The following EYS variants were observed in gnomAD, a reference collection of about 807,000 sequenced individuals.
The protein encoded by EYS is EGF-like photoreceptor maintenance factor.
EYS carries 250 observed loss-of-function variants against 282.1 expected under a neutral mutation model. The ratio of observed to expected loss-of-function variants is 0.89; its 90% CI spans 0.80 to 0.98. The LOEUF (loss-of-function observed/expected upper bound fraction) is 0.98. EYS is among the 50% of genes least tolerant of loss of function. The pLI is 0.00. For synonymous variants in EYS, 1,355 were observed against 1,282.9 expected, an observed-to-expected ratio of 1.06 and a Z score of -1.20; for missense variants, 4,016 against 3,709.0, an observed-to-expected ratio of 1.08 and a Z score of -2.15.
chr6:64,480,560 C>CA (rs1776409381), intron 26 of EYS, among the ~76,000 whole-genome samples: 1 of 151,650 alleles, frequency 6.6e-6, no homozygotes, highest in Admixed American at 6.6e-5. Context: ...TAAGGGGTGA[C>CA]AAAACATAAA....
intron 31 of EYS, among the ~76,000 whole-genome samples, chr6:64,107,291 A>ATATATATATATATATT (rs1328096452): frequency 4.5e-5 from 5 of 110,674 alleles, no homozygotes; most frequent in African/African-American, 1.3e-4. Context: ...ATATTTATAT[A>ATATATATATATATATT]TATATATATA....
chr6:65,693,212 AT>A (rs1769309179), intron 1 of EYS, among the ~76,000 whole-genome samples: 5 of 145,722 alleles, frequency 3.4e-5, no homozygotes, highest in Admixed American at 2.1e-4. Context: ...CTTCTGTTTT[AT>A]TTTTTCCCTC....
chr6:64,578,158 G>C lies in EYS; in HGVS notation c.5644+12065C>G, dbSNP rs376594929. On this transcript the variant is annotated intron_variant, in intron 26 of 42. Transcript: ENST00000503581. ...TGATCTGTTCTCCATAGTATAGCCA[G>C]AGTGGTCACTCAAATAATTTCACTT... Among the ~76,000 whole-genome samples the C allele has an allele frequency of 2.6e-5, 4 of 152,016 alleles. No homozygotes were observed. In the East Asian group the frequency reaches 5.8e-4, roughly 22 times the overall value.
At chr6:64,123,696 G>A (rs1415313659) in intron 31 of EYS, among the ~76,000 whole-genome samples, 2 of 152,122 alleles carry the variant, frequency 1.3e-5, no homozygotes, top group African/African-American at 4.8e-5. Flanking sequence ...AAATATACTG[G>A]GAAACAGGGT....
chr6:64,199,742 C>G (rs1055000215), intron 31 of EYS, among the ~76,000 whole-genome samples: 2 of 151,076 alleles, frequency 1.3e-5, no homozygotes, highest in Non-Finnish European at 3.0e-5. Flanking sequence ...AAAAAAAAAT[C>G]AAAAAATGAG....
At chr6:64,395,186 A>T (rs1394873746) in intron 28 of EYS, among the ~76,000 whole-genome samples, 1 of 152,068 alleles carries the variant, frequency 6.6e-6, no homozygotes, top group East Asian at 1.9e-4. Flanking sequence ...TGTTGGTGGG[A>T]CTGTAAACTA....
At chr6:63,805,994 A>C (rs1039572081) in intron 37 of EYS, among the ~76,000 whole-genome samples, 196 bp downstream of exon 37, 1 of 152,210 alleles carries the variant, frequency 6.6e-6, no homozygotes, top group Non-Finnish European at 1.5e-5. Context: ...CCTGATGCAA[A>C]GTAGAGCTTC....
chr6:64,764,103 G>A (rs1773248833), intron 22 of EYS, among the ~76,000 whole-genome samples: 1 of 152,174 alleles, frequency 6.6e-6, no homozygotes, highest in African/African-American at 2.4e-5. Context: ...CTGGGGTGAG[G>A]AGGATGGTGG....
chr6:64,038,608 AAAAT>A (rs1013220354), intron 33 of EYS, among the ~76,000 whole-genome samples: 15 of 152,110 alleles, frequency 9.9e-5, no homozygotes, highest in Non-Finnish European at 2.2e-4. Context: ...AAAATTATAT[AAAAT>A]GTTTTATAAA....
At chr6:65,042,158 A>C (rs950533958) in intron 13 of EYS, among the ~76,000 whole-genome samples, 3 of 151,574 alleles carry the variant, frequency 2.0e-5, no homozygotes, top group Non-Finnish European at 3.0e-5. Context: ...TCTGGGATCT[A>C]TTTGTTCTAA....
chr6:64,680,835 GA>G (rs1366766930), intron 22 of EYS, among the ~76,000 whole-genome samples: 1 of 152,082 alleles, frequency 6.6e-6, no homozygotes, highest in African/African-American at 2.4e-5. Flanking sequence ...TTGCCCCGGG[GA>G]AAACACAGTC....
chr6:65,490,521 A>G (rs1253433971), intron 5 of EYS, 73 bp downstream of exon 5: 1 of 839,354 alleles, frequency 1.2e-6, no homozygotes, highest in East Asian at 2.7e-5. Flanking sequence ...GAAATATTTC[A>G]CATTTAATTT....
At chr6:65,513,168 G>A (rs1191805486) in intron 2 of EYS, among the ~76,000 whole-genome samples, 7 of 152,210 alleles carry the variant, frequency 4.6e-5, no homozygotes, top group East Asian at 1.9e-4. Context: ...ACACCTCTAC[G>A]CAAACAAACT....
chr6:64,292,287 G>C (rs1218300323), intron 30 of EYS, among the ~76,000 whole-genome samples: 1 of 152,118 alleles, frequency 6.6e-6, no homozygotes, highest in Non-Finnish European at 1.5e-5. Flanking sequence ...CTGTAACAAG[G>C]AGAAACACCT....
chr6:65,182,860 C>T (rs959928599), intron 12 of EYS, among the ~76,000 whole-genome samples: 1 of 151,956 alleles, frequency 6.6e-6, no homozygotes, highest in Admixed American at 6.6e-5. Context: ...ACAATCTTGA[C>T]TCACCGCATC....
chr6:65,571,012 G>C (rs75618326), intron 2 of EYS, among the ~76,000 whole-genome samples: 143 of 152,088 alleles, frequency 9.4e-4, no homozygotes, highest in African/African-American at 3.4e-3. Context: ...GTTCTGTAAG[G>C]TTGCCATAAA....
intron 19 of EYS, among the ~76,000 whole-genome samples, chr6:64,843,203 C>T (rs1386724574): frequency 6.6e-6 from 1 of 152,126 alleles, no homozygotes; most frequent in African/African-American, 2.4e-5. Context: ...CAGAGAGAAC[C>T]TCTGCTAGGG....
At chr6:65,238,256 TAATA>T (rs1260008087) in intron 12 of EYS, among the ~76,000 whole-genome samples, 2 of 149,756 alleles carry the variant, frequency 1.3e-5, no homozygotes, top group Non-Finnish European at 3.0e-5. Flanking sequence ...TTTAAAAATA[TAATA>T]TATATATAAT....
intron 35 of EYS, among the ~76,000 whole-genome samples, chr6:63,958,834 T>C (rs191757850): frequency 1.4e-4 from 21 of 152,286 alleles, no homozygotes; most frequent in Non-Finnish European, 2.4e-4. Context: ...GCATGGTTTA[T>C]GGAATAAGTT....
Sources: allele counts gnomAD v4.1 joint callset (sites outside exome capture counted in the v4.1 genomes callset), GRCh38; gene constraint gnomAD v4.1.1; transcripts MANE v1.5; gene names NCBI Gene and HGNC (gene_info 2026-07-23, HGNC 2026-07-21).